Variants in RHBDL2 observed in about 807,000 individuals in gnomAD.
The protein encoded by RHBDL2 is rhomboid like 2.
RHBDL2 carries 26 observed loss-of-function variants against 31.7 expected under a neutral mutation model. The observed-to-expected ratio is 0.82, with a 90% CI of 0.60 to 1.14. RHBDL2 has a LOEUF of 1.14. Among genes scored for constraint, RHBDL2 ranks in the 50% most tolerant of loss-of-function variants. RHBDL2 has a pLI of 0.00. For missense variants in RHBDL2, 336 were observed against 364.4 expected (o/e 0.92, Z 0.63); for synonymous variants, 123 against 127.2 (o/e 0.97, Z 0.22).
intron 4 of RHBDL2, among the ~76,000 whole-genome samples, chr1:38,901,478 A>G (rs183831440): frequency 1.1e-3 from 174 of 151,396 alleles, no homozygotes; most frequent in Non-Finnish European, 2.2e-3. Flanking sequence ...AAAAAAAAGA[A>G]AGAAAGAAAG....
chr1:38,908,907 T>C (rs1173972635), intron 4 of RHBDL2, among the ~76,000 whole-genome samples: 1 of 152,200 alleles, frequency 6.6e-6, no homozygotes, highest in African/African-American at 2.4e-5. Context: ...GCTTGGAGAA[T>C]GAGTGCAAGG....
chr1:38,894,159 T>A (rs1164496853), intron 5 of RHBDL2, among the ~76,000 whole-genome samples: 3 of 151,770 alleles, frequency 2.0e-5, no homozygotes, highest in Non-Finnish European at 4.4e-5. Context: ...TAACACTGAC[T>A]TTTTTTTTCT....
intron 1 of RHBDL2, among the ~76,000 whole-genome samples, chr1:38,921,062 G>A (rs12057616): frequency 0.068 from 10,392 of 152,242 alleles, 407 homozygotes; most frequent in South Asian, 0.1. Flanking sequence ...GATAGCACTT[G>A]CTTCATAACA....
At chr1:38,895,913 G>C (rs1483313350) in intron 5 of RHBDL2, 56 bp downstream of exon 5, 8 of 1,127,850 alleles carry the variant, frequency 7.1e-6, no homozygotes, top group Non-Finnish European at 9.2e-6. Flanking sequence ...ACAAAGAAGA[G>C]TTACTGTTTT....
At chr1:38,924,360 G>A (rs770541451) in intron 1 of RHBDL2, among the ~76,000 whole-genome samples, 23 of 152,190 alleles carry the variant, frequency 1.5e-4, no homozygotes, top group Non-Finnish European at 3.2e-4. Context: ...TTTGGGAGGC[G>A]GAGGCAGGCG....
At chr1:38,898,073 G>A (rs1642942766) in intron 4 of RHBDL2, among the ~76,000 whole-genome samples, 1 of 152,244 alleles carries the variant, frequency 6.6e-6, no homozygotes. Flanking sequence ...GGAGGTTGCA[G>A]TGAGCTGAGA....
rs1394295777 is a variant in RHBDL2, at chr1:38,912,934, G to C, written c.396-1500C>G. On this transcript the variant is annotated intron_variant, in intron 3 of 7. Coordinates refer to ENST00000372990, the MANE Select transcript of RHBDL2 (RefSeq NM_017821.5). Reference sequence around the variant, plus strand: ...TATGTGTGTGTGTGTGTGTGTGTGTGTGTGTGTGTGTGTGTATTTACATAT... The same window carrying C: ...TATGTGTGTGTGTGTGTGTGTGTGTCTGTGTGTGTGTGTGTATTTACATAT... Among the ~76,000 whole-genome samples the C allele has an allele frequency of 5.2e-4, 64 of 123,210 alleles. 2 individuals are homozygous for C. The highest frequency in any genetic ancestry group is 2.2e-3 in the African/African-American group (63 of 28,752). The allele number at this position is 123,210 out of a possible 152,430, so 80.8% of individuals were successfully genotyped here.
At chr1:38,908,321 T>C (rs147976316) in intron 4 of RHBDL2, among the ~76,000 whole-genome samples, 3,307 of 152,068 alleles carry the variant, frequency 0.022, 124 homozygotes, top group African/African-American at 0.073. Context: ...GAGACCAGCC[T>C]GACCAACATG....
At chr1:38,914,728 C>T (rs1181919767) in intron 3 of RHBDL2, among the ~76,000 whole-genome samples, 2 of 151,546 alleles carry the variant, frequency 1.3e-5, no homozygotes, top group Non-Finnish European at 2.9e-5. Context: ...AGTTATAATG[C>T]AATATAAAGT....
chr1:38,930,436 G>A (rs530894460), intron 1 of RHBDL2, among the ~76,000 whole-genome samples: 92 of 152,216 alleles, frequency 6.0e-4, no homozygotes, highest in Non-Finnish European at 1.0e-3. Context: ...AGTCTGGGCC[G>A]CCCCACAGCT....
chr1:38,941,008 G>T (rs1193369498), intron 1 of RHBDL2, among the ~76,000 whole-genome samples: 1 of 152,166 alleles, frequency 6.6e-6, no homozygotes, highest in Non-Finnish European at 1.5e-5. Flanking sequence ...CTGCCATGCT[G>T]CCCACCAGCT....
intron 3 of RHBDL2, among the ~76,000 whole-genome samples, chr1:38,914,543 T>C (rs909816582): frequency 1.3e-5 from 2 of 151,584 alleles, no homozygotes; most frequent in Admixed American, 1.3e-4. Flanking sequence ...TGCCCGGCCA[T>C]GAACTAAATT....
intron 2 of RHBDL2, 65 bp from the exon 3 acceptor site, chr1:38,915,775 C>A: frequency 6.6e-7 from 1 of 1,519,974 alleles, no homozygotes; most frequent in Middle Eastern, 1.8e-4. Context: ...CATCCAAGCC[C>A]GTGGGCAGTA....
At chr1:38,924,549 G>A (rs1209847833) in intron 1 of RHBDL2, among the ~76,000 whole-genome samples, 2 of 151,766 alleles carry the variant, frequency 1.3e-5, no homozygotes, top group Admixed American at 6.6e-5. Context: ...AGCCGAGATT[G>A]CGCCACTGCA....
At chr1:38,888,081 GT>G in intron 6 of RHBDL2, 57 bp from the exon 7 acceptor site, 2 of 1,168,312 alleles carry the variant, frequency 1.7e-6, no homozygotes, top group Non-Finnish European at 2.5e-6. Context: ...TACACCAAAT[GT>G]TTTTGGTTCC....
chr1:38,932,218 G>T (rs1443535171), intron 1 of RHBDL2, among the ~76,000 whole-genome samples: 1 of 151,376 alleles, frequency 6.6e-6, no homozygotes, highest in Admixed American at 6.6e-5. Flanking sequence ...TCTGGCTCAG[G>T]AGGTTGCCTG....
intron 5 of RHBDL2, among the ~76,000 whole-genome samples, chr1:38,894,314 T>TTTG (rs370276049): frequency 0.025 from 3,829 of 151,850 alleles, 106 homozygotes; most frequent in African/African-American, 0.072. Context: ...TACCTAGAAT[T>TTTG]TTGTTGTTGT....
chr1:38,914,765 C>G (rs956954737), intron 3 of RHBDL2, among the ~76,000 whole-genome samples: 4 of 151,784 alleles, frequency 2.6e-5, no homozygotes, highest in African/African-American at 9.7e-5. Context: ...CACAGTGGCT[C>G]ACACCTGTAA....
At chr1:38,899,098 T>C (rs1642956653) in intron 4 of RHBDL2, among the ~76,000 whole-genome samples, 1 of 152,206 alleles carries the variant, frequency 6.6e-6, no homozygotes, top group Admixed American at 6.5e-5. Flanking sequence ...TTCTGACTTC[T>C]AGGGATAATC....
Sources: allele counts gnomAD v4.1 joint callset (sites outside exome capture counted in the v4.1 genomes callset), GRCh38; gene constraint gnomAD v4.1.1; transcripts MANE v1.5; gene names NCBI Gene and HGNC (gene_info 2026-07-23, HGNC 2026-07-21).